The following HMCN1 variants were observed in gnomAD, a reference collection of about 807,000 sequenced individuals.
HMCN1 encodes the protein hemicentin 1, also known as hemicentin-1.
HMCN1 carries 321 observed loss-of-function variants against 625.9 expected under a neutral mutation model. The ratio of observed to expected loss-of-function variants is 0.51; its 90% CI spans 0.47 to 0.56. HMCN1 has a LOEUF of 0.56. Among genes scored for constraint, HMCN1 ranks in the 20% least tolerant of loss-of-function variants. HMCN1 has a pLI of 0.00. For missense variants in HMCN1, 6,588 were observed against 6,887.3 expected (o/e 0.96, Z 1.54); for synonymous variants, 2,425 against 2,417.6 (o/e 1.00, Z -0.09).
chr1:185,855,309 G>A (rs1174157234), intron 2 of HMCN1, among the ~76,000 whole-genome samples: 1 of 152,102 alleles, frequency 6.6e-6, no homozygotes, highest in Non-Finnish European at 1.5e-5. Context: ...CTTGAAGAGG[G>A]TAAGAAAGAA....
At chr1:185,823,046 G>A (rs1376328774) in intron 1 of HMCN1, among the ~76,000 whole-genome samples, 1 of 151,872 alleles carries the variant, frequency 6.6e-6, no homozygotes, top group Non-Finnish European at 1.5e-5. Context: ...TCAAATGAAA[G>A]TTATATGGGA....
rs187522480 is a variant in HMCN1, at chr1:185,988,660, G to T, written c.3049-828G>T. Among the ~76,000 whole-genome samples, 4 of 152,318 alleles carry T rather than the reference G, an allele frequency of 2.6e-5. No homozygotes were observed. In the East Asian group the frequency reaches 7.7e-4, roughly 29 times the overall value. On this transcript the variant is annotated intron_variant, in intron 20 of 106. Transcript: ENST00000271588. The stretch of plus-strand genomic sequence containing the variant: ...GAAATATTTCCAGGTTGATCTTTGT[G>T]CTGTGGCCAAGCACAGAGTAGTTAA...
intron 57 of HMCN1, among the ~76,000 whole-genome samples, chr1:186,084,385 C>A (rs990184977): frequency 2.0e-5 from 3 of 152,050 alleles, no homozygotes; most frequent in Admixed American, 2.0e-4. Context: ...TAGTGTTTTA[C>A]CAATAAGGAT....
At chr1:185,841,968 G>A (rs1661503796) in intron 1 of HMCN1, among the ~76,000 whole-genome samples, 2 of 152,150 alleles carry the variant, frequency 1.3e-5, no homozygotes, top group South Asian at 4.1e-4. Context: ...AACTTAAAAA[G>A]AAATCAGTAT....
Position 185,949,902 on chromosome 1 carries a change from C to T in HMCN1, c.1829-12616C>T, listed in dbSNP as rs1474566469. 6.8e-3 allele frequency among the ~76,000 whole-genome samples: 1,026 copies of T among 151,742 alleles called. 4 individuals are homozygous for T. The highest frequency in any genetic ancestry group is 9.5e-3 in the Non-Finnish European group (645 of 67,982). On this transcript the variant is annotated intron_variant, in intron 11 of 106. Transcript: ENST00000271588. Reference sequence around the variant, plus strand: ...AGGAGTAGTAGAATAGCAGATGGAACACTGAGAAGTTATTTCCTTGAGGAT... The same window carrying T: ...AGGAGTAGTAGAATAGCAGATGGAATACTGAGAAGTTATTTCCTTGAGGAT...
chr1:186,116,356 TGTGAA>T (rs1490241533), intron 75 of HMCN1, among the ~76,000 whole-genome samples: 1 of 152,050 alleles, frequency 6.6e-6, no homozygotes, highest in Non-Finnish European at 1.5e-5. Flanking sequence ...CCTCCTAAAA[TGTGAA>T]GTGTTCTAGA....
intron 1 of HMCN1, among the ~76,000 whole-genome samples, chr1:185,790,010 A>G (rs1571354800): frequency 6.6e-6 from 1 of 152,072 alleles, no homozygotes; most frequent in African/African-American, 2.4e-5. Flanking sequence ...TTCCTCTGAG[A>G]CACTCTCCTT....
chr1:185,908,177 G>T (rs960499403), intron 4 of HMCN1, among the ~76,000 whole-genome samples: 5 of 151,346 alleles, frequency 3.3e-5, no homozygotes, highest in Non-Finnish European at 5.9e-5. Flanking sequence ...GTTTCATATT[G>T]TTATGTGATA....
intron 4 of HMCN1, among the ~76,000 whole-genome samples, chr1:185,894,277 C>T (rs1243439967): frequency 6.6e-6 from 1 of 151,592 alleles, no homozygotes; most frequent in Non-Finnish European, 1.5e-5. Flanking sequence ...TTCTTTTGTT[C>T]AACATTAAGT....
intron 97 of HMCN1, 35 bp from the exon 98 acceptor site, chr1:186,165,076 T>G (rs765239027): frequency 1.9e-6 from 3 of 1,595,030 alleles, no homozygotes; most frequent in Non-Finnish European, 2.6e-6. Context: ...ACTATTCCAA[T>G]AAGCCAGTTA....
At chr1:185,895,674 G>C (rs1219486795) in intron 4 of HMCN1, among the ~76,000 whole-genome samples, 1 of 152,170 alleles carries the variant, frequency 6.6e-6, no homozygotes, top group East Asian at 1.9e-4. Flanking sequence ...ATGTAACCAT[G>C]ATGAATTTCC....
At chr1:185,881,270 G>A (rs575164704) in intron 4 of HMCN1, among the ~76,000 whole-genome samples, 1 of 152,318 alleles carries the variant, frequency 6.6e-6, no homozygotes, top group Admixed American at 6.5e-5. Context: ...TAAATGTGGG[G>A]GATTTTATTG....
rs147357046 is a variant in HMCN1 at position 185,845,358 on chromosome 1, C to T, written c.269-668C>T. Among the ~76,000 whole-genome samples the T allele has an allele frequency of 7.7e-3, 1,174 of 152,212 alleles. 12 individuals carry two copies. The highest frequency in any genetic ancestry group is 0.027 in the African/African-American group (1,132 of 41,530). The stretch of plus-strand genomic sequence containing the variant: ...TCAGCCTCCTGAGTAGCTGGGACTA[C>T]AGGCATGTGCCACCATGCCTGGCTA... On this transcript the variant is annotated intron_variant, in intron 1 of 106. Transcript: ENST00000271588.
chr1:185,758,670 A>G (rs1389652681), intron 1 of HMCN1, among the ~76,000 whole-genome samples: 1 of 151,840 alleles, frequency 6.6e-6, no homozygotes, highest in African/African-American at 2.4e-5. Context: ...CTAGAAACAA[A>G]CAGAAACTCT....
chr1:186,153,297 G>A (rs1650787670), intron 96 of HMCN1, among the ~76,000 whole-genome samples: 1 of 152,102 alleles, frequency 6.6e-6, no homozygotes, highest in South Asian at 2.1e-4. Flanking sequence ...AAACAACTAT[G>A]TTATAATTAA....
intron 4 of HMCN1, among the ~76,000 whole-genome samples, chr1:185,883,808 G>A (rs781204960): frequency 7.0e-6 from 1 of 142,164 alleles, no homozygotes; most frequent in Non-Finnish European, 1.5e-5. Context: ...CATAATTAAT[G>A]TTGTTAGTTG....
chr1:185,971,076 T>C (rs1028280170), intron 15 of HMCN1, among the ~76,000 whole-genome samples: 1 of 152,190 alleles, frequency 6.6e-6, no homozygotes, highest in African/African-American at 2.4e-5. Flanking sequence ...TGATCAGAGT[T>C]ACAGAGTTAG....
At chr1:185,759,369 A>G (rs1340689203) in intron 1 of HMCN1, among the ~76,000 whole-genome samples, 2 of 152,196 alleles carry the variant, frequency 1.3e-5, no homozygotes, top group Non-Finnish European at 2.9e-5. Flanking sequence ...TGAACTGGTT[A>G]TTCTATTAGA....
intron 106 of HMCN1, among the ~76,000 whole-genome samples, chr1:186,188,357 G>A (rs1156710216): frequency 6.6e-6 from 1 of 152,142 alleles, no homozygotes; most frequent in African/African-American, 2.4e-5. Flanking sequence ...TTGCCTCAGG[G>A]TGGTAAGGGC....
Sources: allele counts gnomAD v4.1 joint callset (sites outside exome capture counted in the v4.1 genomes callset), GRCh38; gene constraint gnomAD v4.1.1; transcripts MANE v1.5; gene names NCBI Gene and HGNC (gene_info 2026-07-23, HGNC 2026-07-21).